The following CAB39 variants were observed in gnomAD, a reference collection of about 807,000 sequenced individuals.
CAB39 encodes the protein calcium binding protein 39, also known as calcium-binding protein 39.
A neutral mutation model predicts 40.0 loss-of-function variants in CAB39; 8 were observed. That is an observed-to-expected ratio of 0.20 (90% CI 0.12 to 0.36). The LOEUF (loss-of-function observed/expected upper bound fraction) is 0.36. Ranked by LOEUF, CAB39 falls within the 10% of genes least tolerant of loss-of-function variation. The probability of loss-of-function intolerance (pLI) is 1.00; values close to 1 mark genes in which losing one functional copy is unlikely to be tolerated. For synonymous variants in CAB39, 156 were observed against 141.6 expected, an observed-to-expected ratio of 1.10 and a Z score of -0.72; for missense variants, 270 against 401.1, an observed-to-expected ratio of 0.67 and a Z score of 2.79.
chr2:230,771,189 C>T (rs2124931361), intron 2 of CAB39, among the ~76,000 whole-genome samples: 2 of 152,074 alleles, frequency 1.3e-5, no homozygotes, highest in South Asian at 4.2e-4. Flanking sequence ...TTTAGCGAGT[C>T]ACAGGTTATA....
At chr2:230,785,717 C>G (rs1695777695) in intron 2 of CAB39, among the ~76,000 whole-genome samples, 1 of 151,686 alleles carries the variant, frequency 6.6e-6, no homozygotes, top group Admixed American at 6.6e-5. Context: ...TTTTTTGAGA[C>G]AGGGTCTTGC....
intron 6 of CAB39, among the ~76,000 whole-genome samples, chr2:230,811,790 AG>A (rs1192616170): frequency 6.6e-6 from 1 of 152,240 alleles, no homozygotes; most frequent in African/African-American, 2.4e-5. Flanking sequence ...ATCACCACAA[AG>A]ATTTTTCAAC....
At chr2:230,792,960 G>A (rs1253167806) in intron 3 of CAB39, among the ~76,000 whole-genome samples, 1 of 152,152 alleles carries the variant, frequency 6.6e-6, no homozygotes, top group African/African-American at 2.4e-5. Flanking sequence ...AGAAATGGTG[G>A]AAATTATATG....
intron 1 of CAB39, among the ~76,000 whole-genome samples, chr2:230,734,034 C>G (rs1206071460): frequency 6.6e-6 from 1 of 152,200 alleles, no homozygotes; most frequent in Non-Finnish European, 1.5e-5. Flanking sequence ...TAAGACATTG[C>G]CACTCGCAGC....
intron 1 of CAB39, among the ~76,000 whole-genome samples, chr2:230,759,569 G>C (rs1023025319): frequency 1.3e-5 from 2 of 152,164 alleles, no homozygotes; most frequent in Middle Eastern, 3.2e-3. Flanking sequence ...ATAGGAGCAG[G>C]AGATTGTTAG....
rs1254984128 is a variant in CAB39, at chr2:230,713,091, A to C, written c.-183A>C. On this transcript the variant is annotated 5_prime_UTR_variant, in exon 1 of 9. Coordinates refer to ENST00000258418, the MANE Select transcript of CAB39 (RefSeq NM_016289.4). ...GCCGCGGGAGCCCGTCGCCGGGAGC[A>C]GGAGCGGGCGGAAGACAACGGAGGG... The C allele has an allele frequency of 6.6e-6, 1 of 151,638 alleles. No individual in the cohort carries two copies. Among genetic ancestry groups the C allele is most frequent in the Non-Finnish European group, 1.5e-5 (1 of 67,878 alleles). The allele number at this position is 151,638 out of a possible 1,614,324, so 9.4% of individuals were successfully genotyped here.
At position 230,728,350 on chromosome 2, in the gene CAB39, A is replaced by G. The variant is rs936652392; in HGVS notation, c.-44+15120A>G. ...TAAGACATTACAAAGGATGAAAACT[A>G]TATTCCAAATTTATCTTTTTTTTTT... On this transcript the variant is annotated intron_variant, in intron 1 of 8. Coordinates refer to ENST00000258418, the MANE Select transcript of CAB39 (RefSeq NM_016289.4). 3.3e-5 allele frequency among the ~76,000 whole-genome samples: 5 copies of G among 152,234 alleles called. No homozygotes were observed. The South Asian group carries it at 1.0e-3, about 32-fold the overall frequency.
At chr2:230,778,423 T>C (rs1695632014) in intron 2 of CAB39, among the ~76,000 whole-genome samples, 1 of 152,216 alleles carries the variant, frequency 6.6e-6, no homozygotes, top group Admixed American at 6.5e-5. Context: ...CTTCTGAAAT[T>C]GTACTTTTGT....
At chr2:230,778,576 T>G (rs1298875189) in intron 2 of CAB39, among the ~76,000 whole-genome samples, 1 of 152,222 alleles carries the variant, frequency 6.6e-6, no homozygotes, top group Non-Finnish European at 1.5e-5. Context: ...CCATTTGTAC[T>G]AATGTTTAGC....
At chr2:230,719,895 T>C (rs964414862) in intron 1 of CAB39, among the ~76,000 whole-genome samples, 2 of 152,236 alleles carry the variant, frequency 1.3e-5, no homozygotes, top group Non-Finnish European at 2.9e-5. Context: ...CTTTATGGCA[T>C]GTGACTGTGC....
chr2:230,797,558 T>C (rs1229183841), intron 4 of CAB39, among the ~76,000 whole-genome samples: 3 of 151,556 alleles, frequency 2.0e-5, no homozygotes, highest in Non-Finnish European at 4.4e-5. Context: ...GGGGATGAGA[T>C]TTGATTTGAG....
intron 4 of CAB39, among the ~76,000 whole-genome samples, chr2:230,797,425 C>G (rs530364241): frequency 1.9e-4 from 28 of 151,342 alleles, no homozygotes; most frequent in Non-Finnish European, 4.1e-4. Context: ...CCATAATGAA[C>G]AGCACAGATA....
chr2:230,818,495 T>G, intron 8 of CAB39, 21 bp from the exon 9 acceptor site: 4 of 1,607,132 alleles, frequency 2.5e-6, no homozygotes, highest in Non-Finnish European at 3.4e-6. Context: ...CTGTGCCTCA[T>G]GTGCGTTTCT....
intron 5 of CAB39, among the ~76,000 whole-genome samples, chr2:230,808,205 G>A (rs779242092): frequency 2.0e-5 from 3 of 151,976 alleles, no homozygotes; most frequent in Non-Finnish European, 2.9e-5. Flanking sequence ...TCCTGCCTCA[G>A]CCTCCTGAGT....
At chr2:230,808,045 G>A (rs1696233304) in intron 5 of CAB39, among the ~76,000 whole-genome samples, 1 of 147,964 alleles carries the variant, frequency 6.8e-6, no homozygotes, top group Admixed American at 6.7e-5. Flanking sequence ...TCTGTGCCAG[G>A]CACTTTTTTT....
At chr2:230,809,066 A>G (rs1008800765) in intron 5 of CAB39, among the ~76,000 whole-genome samples, 3 of 152,182 alleles carry the variant, frequency 2.0e-5, no homozygotes, top group Non-Finnish European at 2.9e-5. Flanking sequence ...CTGGTGACCA[A>G]TCAGGAGGAG....
At chr2:230,745,916 G>T (rs539810183) in intron 1 of CAB39, among the ~76,000 whole-genome samples, 1 of 152,072 alleles carries the variant, frequency 6.6e-6, no homozygotes, top group East Asian at 1.9e-4. Context: ...GAGCCACCGC[G>T]CCTGGCCAAA....
intron 1 of CAB39, among the ~76,000 whole-genome samples, chr2:230,736,298 C>G (rs1035824845): frequency 4.6e-5 from 7 of 152,106 alleles, no homozygotes; most frequent in African/African-American, 1.4e-4. Flanking sequence ...CACCCTCGTG[C>G]TAAAATTAGA....
At chr2:230,764,914 T>C (rs1488578825) in intron 2 of CAB39, among the ~76,000 whole-genome samples, 1 of 152,244 alleles carries the variant, frequency 6.6e-6, no homozygotes, top group Non-Finnish European at 1.5e-5. Context: ...GTTAAAAATA[T>C]TGTATGTATA....
Sources: allele counts gnomAD v4.1 joint callset (sites outside exome capture counted in the v4.1 genomes callset), GRCh38; gene constraint gnomAD v4.1.1; transcripts MANE v1.5; gene names NCBI Gene and HGNC (gene_info 2026-07-23, HGNC 2026-07-21).